Variants in DNAH12 observed in about 807,000 individuals in gnomAD.
DNAH12 encodes dynein axonemal heavy chain 12, also known as axonemal beta dynein heavy chain 12.
A neutral mutation model predicts 371.5 loss-of-function variants in DNAH12; 285 were observed. The observed-to-expected ratio is 0.77, with a 90% CI of 0.70 to 0.85. The LOEUF is 0.85. Ranked by LOEUF, DNAH12 falls within the 40% of genes least tolerant of loss-of-function variation. The pLI is 0.00. For missense variants in DNAH12, 3,611 were observed against 3,689.4 expected, an observed-to-expected ratio of 0.98 and a Z score of 0.55; for synonymous variants, 1,200 against 1,213.0, an observed-to-expected ratio of 0.99 and a Z score of 0.22.
chr3:57,444,893 C>G lies in DNAH12; in HGVS notation c.4426-77G>C. 2.0e-6 allele frequency: 3 copies of G among 1,471,230 alleles called. No individual in the cohort carries two copies. In the Admixed American group the frequency reaches 7.7e-5, roughly 38 times the overall value. 91.1% of individuals were successfully genotyped at this position (1,471,230 alleles called of 1,614,324 possible). ...CCCACTTCTCCCTCCCCTCCCAGCC[C>G]CGGCCTGCCCCACCCCACCCCCCTG... is the stretch of plus-strand genomic sequence containing the variant. On this transcript the variant is annotated intron_variant, in intron 28 of 73. Coordinates refer to ENST00000495027, the MANE Select transcript of DNAH12 (RefSeq NM_001366028.2).
intron 73 of DNAH12, among the ~76,000 whole-genome samples, chr3:57,295,318 A>G (rs2061210410): frequency 6.6e-6 from 1 of 152,234 alleles, no homozygotes; most frequent in African/African-American, 2.4e-5. Context: ...CTACGATAAA[A>G]AAGCAGCATG....
intron 45 of DNAH12, among the ~76,000 whole-genome samples, chr3:57,389,353 A>T (rs895949387): frequency 1.3e-5 from 2 of 152,204 alleles, no homozygotes; most frequent in South Asian, 2.1e-4. Context: ...ATGACTAAAG[A>T]GGCAGAAAAC....
chr3:57,410,928 T>C (rs782317109), intron 39 of DNAH12, among the ~76,000 whole-genome samples: 2 of 151,878 alleles, frequency 1.3e-5, no homozygotes, highest in African/African-American at 2.4e-5. Flanking sequence ...TACTTAATGG[T>C]AAGAATCTCC....
rs987598133 is a variant in DNAH12 at position 57,405,564 on chromosome 3, A to C, written c.6576+89T>G. ...GGAATGCTAAAAGAATATGTTCATTAAGAAATGATTTTTAAAAATATAACT... is the reference window on the plus strand; with the variant it reads ...GGAATGCTAAAAGAATATGTTCATTCAGAAATGATTTTTAAAAATATAACT... On this transcript the variant is annotated intron_variant, in intron 41 of 73. Coordinates refer to ENST00000495027, the MANE Select transcript of DNAH12 (RefSeq NM_001366028.2). The C allele has an allele frequency of 3.0e-6, 4 of 1,345,084 alleles. No homozygotes were observed. The African/African-American group carries it at 5.9e-5, about 20-fold the overall frequency. The allele number at this position is 1,345,084 out of a possible 1,614,324, so 83.3% of individuals were successfully genotyped here.
At chr3:57,505,536 G>A (rs2067724317) in intron 8 of DNAH12, among the ~76,000 whole-genome samples, 1 of 151,950 alleles carries the variant, frequency 6.6e-6, no homozygotes, top group Non-Finnish European at 1.5e-5. Flanking sequence ...TGTCTCCCGG[G>A]TTCAAGCAAT....
chr3:57,519,238 G>A (rs995450846), intron 4 of DNAH12, among the ~76,000 whole-genome samples: 61 of 152,262 alleles, frequency 4.0e-4, no homozygotes, highest in African/African-American at 1.4e-3. Flanking sequence ...TTTGGGAGGA[G>A]GGGGTTTAAA....
intron 11 of DNAH12, among the ~76,000 whole-genome samples, chr3:57,491,025 T>A (rs1410345501): frequency 7.4e-6 from 1 of 134,514 alleles, no homozygotes; most frequent in Admixed American, 8.9e-5. Flanking sequence ...GAGATTGCAG[T>A]GAGCCGAGGT....
intron 69 of DNAH12, among the ~76,000 whole-genome samples, chr3:57,306,238 C>T (rs1410651004): frequency 1.3e-5 from 2 of 152,056 alleles, no homozygotes; most frequent in Non-Finnish European, 2.9e-5. Context: ...AAGGTAAGTC[C>T]GTCCCCTTCT....
At chr3:57,467,385 G>T (rs889371628) in intron 17 of DNAH12, among the ~76,000 whole-genome samples, 3 of 152,120 alleles carry the variant, frequency 2.0e-5, no homozygotes, top group Non-Finnish European at 2.9e-5. Flanking sequence ...GCCTCCCAAA[G>T]TGCTGGAATT....
rs1268915409 is a variant in DNAH12, at chr3:57,382,300, G to A, written c.7954C>T (p.Pro2652Ser). The change falls in exon 50 of 74, where the codon CCA (proline) becomes TCA (serine). Residue 2652 changes from proline (P) to serine (S), a missense_variant. Physicochemically the swap from Pro to Ser is moderately conservative, Grantham distance 74. This residue lies in a region of DNAH12 where 2,266 missense variants were observed against 2,236.9 expected (regional missense o/e 1.01). Coordinates refer to ENST00000495027, the MANE Select transcript of DNAH12 (RefSeq NM_001366028.2). Reference sequence around the variant, plus strand: ...CCTGAAGGATCTGAAATTTTTTCTGGTTTTATATCTTTCATGACACAAACA... The same window carrying A: ...CCTGAAGGATCTGAAATTTTTTCTGATTTTATATCTTTCATGACACAAACA... ...AAVCVMKDIK[P>S]EKISDPSGTG... 2.2e-4 allele frequency: 33 copies of A among 151,948 alleles called. No homozygotes were observed. Among genetic ancestry groups the A allele is most frequent in the African/African-American group, 8.0e-4 (33 of 41,450 alleles). The allele number at this position is 151,948 out of a possible 1,614,324, so 9.4% of individuals were successfully genotyped here. A position where few individuals can be genotyped will look rare whatever the true frequency, so the allele number is the denominator to read the frequency against.
chr3:57,382,705 G>A (rs1036319094), intron 49 of DNAH12, among the ~76,000 whole-genome samples: 6 of 152,076 alleles, frequency 3.9e-5, no homozygotes, highest in African/African-American at 1.2e-4. Flanking sequence ...ACACCCATAC[G>A]TGGAACCTAA....
chr3:57,384,058 T>TA (rs1212130543), intron 49 of DNAH12, among the ~76,000 whole-genome samples: 6 of 152,140 alleles, frequency 3.9e-5, no homozygotes, highest in East Asian at 1.9e-4. Flanking sequence ...GTTGACTCCC[T>TA]AGTCAACAGA....
At chr3:57,550,702 T>C in the DNAH12 span, among the ~76,000 whole-genome samples, 1 of 151,702 alleles carries the variant, frequency 6.6e-6, no homozygotes, top group Non-Finnish European at 1.5e-5. Context: ...TCTGTATTTT[T>C]AATAGAGATG....
upstream of DNAH12, among the ~76,000 whole-genome samples, chr3:57,548,391 T>C (rs902382462): frequency 5.9e-5 from 9 of 152,148 alleles, no homozygotes; most frequent in African/African-American, 1.9e-4. Flanking sequence ...CTGTCAAGTA[T>C]GTCAAAGGAT....
intron 30 of DNAH12, among the ~76,000 whole-genome samples, chr3:57,435,845 G>T (rs1422865426): frequency 3.5e-5 from 5 of 144,268 alleles, no homozygotes; most frequent in African/African-American, 1.3e-4. Context: ...AATGCATAAG[G>T]GTTGATTGTA....
intron 62 of DNAH12, among the ~76,000 whole-genome samples, chr3:57,325,388 G>A (rs184087013): frequency 2.6e-5 from 4 of 152,196 alleles, no homozygotes; most frequent in African/African-American, 7.2e-5. Flanking sequence ...GCAGAGGAAC[G>A]ATCAGATAGC....
At position 57,423,391 on chromosome 3, in the gene DNAH12, GA is replaced by G. The variant is rs397877376; in HGVS notation, c.5373+1630del. 8.1e-4 allele frequency among the ~76,000 whole-genome samples: 123 copies of G among 152,206 alleles called. 1 individual carries two copies. Among genetic ancestry groups the G allele is most frequent in the East Asian group, 2.5e-3 (13 of 5,180 alleles). ...TAAAAGGCGGTTCCAAACCTAGGGA[GA>G]AAAAGGAATAAATAAATTATACTTC... On this transcript the variant is annotated intron_variant, in intron 35 of 73. Coordinates refer to ENST00000495027, the MANE Select transcript of DNAH12 (RefSeq NM_001366028.2).
At chr3:57,357,945 A>G (rs2062837826) in intron 58 of DNAH12, among the ~76,000 whole-genome samples, 1 of 152,224 alleles carries the variant, frequency 6.6e-6, no homozygotes, top group South Asian at 2.1e-4. Flanking sequence ...ACAGGGCTGT[A>G]GATATTCAAC....
At chr3:57,307,530 C>T (rs1037434381) in intron 69 of DNAH12, among the ~76,000 whole-genome samples, 6 of 152,124 alleles carry the variant, frequency 3.9e-5, no homozygotes, top group South Asian at 2.1e-4. Flanking sequence ...GTGCAGTGGC[C>T]GCCACCACCC....
Sources: gnomAD v4.1 joint callset for allele counts (sites outside exome capture counted in the v4.1 genomes callset) on GRCh38, gnomAD v4.1.1 for gene constraint, gnomAD v4.1.1 regional missense constraint, MANE v1.5 for transcripts, NCBI Gene and HGNC (gene_info 2026-07-23, HGNC 2026-07-21) for gene names.